PAGE1: variants seen among roughly 807,000 people sequenced by gnomAD.
The protein encoded by PAGE1 is PAGE family member 1.
Under a neutral mutation model 11.5 loss-of-function variants are expected in PAGE1, and 6 were observed. That is an observed-to-expected ratio of 0.52 (90% CI 0.29 to 1.03). The LOEUF (loss-of-function observed/expected upper bound fraction) is 1.03, where lower values mean the gene tolerates loss of function less well. Ranked by LOEUF, PAGE1 falls within the 50% of genes least tolerant of loss-of-function variation. PAGE1 has a pLI of 0.09. For synonymous variants in PAGE1, 42 were observed against 40.2 expected, an observed-to-expected ratio of 1.05 and a Z score of -0.17; for missense variants, 120 against 110.2, an observed-to-expected ratio of 1.09 and a Z score of -0.40.
chrX:49,695,111 T>C (rs1373954703), intron 1 of PAGE1, among the ~76,000 whole-genome samples: 2 of 112,932 alleles, frequency 1.8e-5, no homozygotes, highest in South Asian at 7.2e-4. Flanking sequence ...GCTCACGCGA[T>C]CCTCCTGCCT....
intron 4 of PAGE1, among the ~76,000 whole-genome samples, chrX:49,689,788 A>C (rs185686221): frequency 9.6e-5 from 6 of 62,213 alleles, no homozygotes; most frequent in African/African-American, 2.1e-4. Context: ...ATATACACAC[A>C]TATATATGTA....
intron 4 of PAGE1, among the ~76,000 whole-genome samples, chrX:49,690,125 ATATATACACATATATATGTG>A (rs2066914632): frequency 1.2e-5 from 1 of 83,821 alleles, no homozygotes. Context: ...ATATATGTGT[ATATATACACATATATATGTG>A]TATATATATA....
rs2066894864 is a variant in PAGE1 at position 49,689,331 on chromosome X, ACT to A, written c.418+85_418+86del. 3 of 867,295 alleles carry A rather than the reference ACT, an allele frequency of 3.5e-6. No individual in the cohort carries two copies. The South Asian group carries it at 8.6e-5, about 25-fold the overall frequency. 71.5% of individuals were successfully genotyped at this position (867,295 alleles called of 1,213,427 possible). On this transcript the variant is annotated intron_variant, in intron 5 of 5. Coordinates refer to ENST00000376150, the MANE Select transcript of PAGE1 (RefSeq NM_003785.4). ...ACTCCAGCCTGGTTGACAGAGCGAG[ACT>A]CTGTCTCAAAAAAATAATAATTATT...
intron 4 of PAGE1, 33 bp downstream of exon 4, chrX:49,691,216 C>G (rs1188457004): frequency 3.3e-6 from 4 of 1,195,502 alleles, no homozygotes; most frequent in Non-Finnish European, 4.5e-6. Context: ...GAAACAGACA[C>G]CCTACAATTT....
At chrX:49,693,675 G>A (rs2066928994) in intron 3 of PAGE1, among the ~76,000 whole-genome samples, 1 of 111,242 alleles carries the variant, frequency 9.0e-6, no homozygotes, top group Non-Finnish European at 1.9e-5. Context: ...CCTCTGAACT[G>A]GGTCTATTCC....
chrX:49,689,889 TA>T (rs1204784240), intron 4 of PAGE1, among the ~76,000 whole-genome samples: 3 of 42,890 alleles, frequency 7.0e-5, no homozygotes, highest in Non-Finnish European at 1.1e-4. Context: ...TACACACATA[TA>T]TAGGTGTATA....
chrX:49,691,374 C>T lies in PAGE1; in HGVS notation c.167G>A (p.Gly56Glu). 9 of 1,186,332 alleles carry T rather than the reference C, an allele frequency of 7.6e-6. No individual in the cohort carries two copies. The highest frequency in any genetic ancestry group is 1.0e-5 in the Non-Finnish European group (9 of 884,229). The change falls in exon 4 of 6, where the codon GGG becomes GAG. Residue 56 changes from glycine to glutamate, a missense_variant and splice_region_variant. Transcript: ENST00000376150. ...REDEGASAAQ[G>E]QEPEADSQEL... ...CTGGCTATCAGCTTCAGGCTCCTGC[C>T]CTTAAAGATAAAACAAAATTATCAT...
rs782179765 is a variant in PAGE1 at position 49,694,066 on chromosome X, C to CACA, written c.166+32_166+33insTGT. The CACA allele has an allele frequency of 4.5e-5, 31 of 684,830 alleles. No individual in the cohort carries two copies. In the East Asian group the frequency reaches 1.1e-3, roughly 24 times the overall value. 56.4% of individuals were successfully genotyped at this position (684,830 alleles called of 1,213,427 possible). A position where few individuals can be genotyped will look rare whatever the true frequency, so the allele number is the denominator to read the frequency against. On this transcript the variant is annotated intron_variant, in intron 3 of 5. Coordinates refer to ENST00000376150, the MANE Select transcript of PAGE1 (RefSeq NM_003785.4). Reference sequence around the variant, plus strand: ...CACACACACACACACACACACACACCCCAACAGGCATTCTTCTTCCCTTTC... The same window carrying CACA: ...CACACACACACACACACACACACACCACACCAACAGGCATTCTTCTTCCCTTTC...
Position 49,687,465 on chromosome X carries a change from A to G in PAGE1, c.*76T>C. The G allele has an allele frequency of 4.1e-6, 4 of 982,060 alleles. No individual in the cohort carries two copies. In the South Asian group the frequency reaches 5.9e-5, roughly 14 times the overall value. 80.9% of individuals were successfully genotyped at this position (982,060 alleles called of 1,213,427 possible). ...ACAAGACTTCTTTGCAGAAGGCTGT[A>G]AAGCTTTATTGGGAGAATTTTAATG... On this transcript the variant is annotated 3_prime_UTR_variant, in exon 6 of 6. Coordinates refer to ENST00000376150, the MANE Select transcript of PAGE1 (RefSeq NM_003785.4).
intron 1 of PAGE1, among the ~76,000 whole-genome samples, chrX:49,695,621 C>A (rs782192685): frequency 1.8e-5 from 2 of 112,381 alleles, no homozygotes; most frequent in South Asian, 7.4e-4. Flanking sequence ...TTCACCTGAG[C>A]CCCTGACCGC....
chrX:49,688,175 T>G (rs1195371261), intron 5 of PAGE1, among the ~76,000 whole-genome samples: 1 of 112,481 alleles, frequency 8.9e-6, no homozygotes, highest in African/African-American at 3.2e-5. Flanking sequence ...CACTTATTCA[T>G]TAAGGGCCAG....
At chrX:49,695,585 A>G (rs2066938772) in intron 1 of PAGE1, among the ~76,000 whole-genome samples, 1 of 111,132 alleles carries the variant, frequency 9.0e-6, no homozygotes, top group Admixed American at 9.5e-5. Context: ...GACCCCTCCA[A>G]CAGCACCCGC....
chrX:49,689,461 C>G lies in PAGE1; in HGVS notation c.375G>C (p.Glu125Asp). 1 of 1,082,033 alleles carries G rather than the reference C, an allele frequency of 9.2e-7. No individual in the cohort carries two copies. Among genetic ancestry groups the G allele is most frequent in the Non-Finnish European group, 1.2e-6 (1 of 823,367 alleles). 89.2% of individuals were successfully genotyped at this position (1,082,033 alleles called of 1,213,427 possible). ...CERGDGPDVQ[E>D]LGLPNPEEVK... Reference sequence around the variant, plus strand: ...CCTCCTCTGGATTTGGCAGGCCCAACTCCTGGACATCAGGACCATCTCCGC... The same window carrying G: ...CCTCCTCTGGATTTGGCAGGCCCAAGTCCTGGACATCAGGACCATCTCCGC... The change falls in exon 5 of 6, where the codon GAG (glutamate) becomes GAC (aspartate). Residue 125 changes from glutamate (E) to aspartate (D), a missense_variant. Glu to Asp is a conservative substitution (Grantham distance 45, BLOSUM62 2). Transcript: ENST00000376150.
intron 4 of PAGE1, among the ~76,000 whole-genome samples, chrX:49,689,795 T>G (rs1407327823): frequency 1.6e-5 from 1 of 60,874 alleles, no homozygotes; most frequent in Admixed American, 2.1e-4. Flanking sequence ...CACATATATA[T>G]GTATATATAT....
chrX:49,691,215 A>T, intron 4 of PAGE1, 34 bp downstream of exon 4: 1 of 1,193,646 alleles, frequency 8.4e-7, no homozygotes, highest in Non-Finnish European at 1.1e-6. Flanking sequence ...GGAAACAGAC[A>T]CCCTACAATT....
At chrX:49,690,145 G>GTA (rs1275990916) in intron 4 of PAGE1, among the ~76,000 whole-genome samples, 1 of 88,244 alleles carries the variant, frequency 1.1e-5, no homozygotes, top group Non-Finnish European at 2.2e-5. Flanking sequence ...ATATATATGT[G>GTA]TATATATATA....
intron 2 of PAGE1, 76 bp from the exon 3 acceptor site, chrX:49,694,277 C>T (rs782336165): frequency 2.0e-5 from 10 of 505,050 alleles, no homozygotes; most frequent in Middle Eastern, 3.5e-4. Context: ...AAAATATATA[C>T]GTATACACAC....
chrX:49,695,502 C>T lies in PAGE1; in HGVS notation c.-9+367G>A, dbSNP rs782577352. The stretch of plus-strand genomic sequence containing the variant: ...CTTTACCGCCATCTTCACCACCCAC[C>T]TCCCGCCTCGGGGCCCCATTCAGGA... On this transcript the variant is annotated intron_variant, in intron 1 of 5. Transcript: ENST00000376150. Among the ~76,000 whole-genome samples the T allele has an allele frequency of 2.7e-5, 3 of 111,669 alleles. No homozygotes were observed. The East Asian group carries it at 8.5e-4, about 31-fold the overall frequency.
At chrX:49,691,456 T>C in intron 3 of PAGE1, 82 bp from the exon 4 acceptor site, 1 of 819,782 alleles carries the variant, frequency 1.2e-6, no homozygotes, top group Non-Finnish European at 1.7e-6. Flanking sequence ...CTCTTGGTCT[T>C]ATTAAATAAA....
Sources: allele counts gnomAD v4.1 joint callset (sites outside exome capture counted in the v4.1 genomes callset), GRCh38; gene constraint gnomAD v4.1.1; transcripts MANE v1.5; gene names NCBI Gene and HGNC (gene_info 2026-07-23, HGNC 2026-07-21).